The following MARVELD2 variants were observed in gnomAD, a reference collection of about 807,000 sequenced individuals.
The protein encoded by MARVELD2 is MARVEL domain-containing protein 2.
A neutral mutation model predicts 57.6 loss-of-function variants in MARVELD2; 49 were observed. That is an observed-to-expected ratio of 0.85 (90% CI 0.68 to 1.08). MARVELD2 has a LOEUF of 1.08. Among genes scored for constraint, MARVELD2 ranks in the 50% least tolerant of loss-of-function variants. The pLI is 0.00. For missense variants in MARVELD2, 606 were observed against 701.1 expected (o/e 0.86, Z 1.53); for synonymous variants, 238 against 258.8 (o/e 0.92, Z 0.77).
chr5:69,427,473 C>T (rs935098107), intron 3 of MARVELD2, among the ~76,000 whole-genome samples: 2 of 151,546 alleles, frequency 1.3e-5, no homozygotes, highest in Non-Finnish European at 2.9e-5. Context: ...TGCTGTGGCA[C>T]GATCTCGGCT....
chr5:69,434,134 C>T (rs1468462922), intron 5 of MARVELD2, among the ~76,000 whole-genome samples: 1 of 151,980 alleles, frequency 6.6e-6, no homozygotes, highest in Non-Finnish European at 1.5e-5. Flanking sequence ...GTTAGCACCC[C>T]AGGCCCAAAG....
At chr5:69,416,064 T>C (rs1766403022) in intron 1 of MARVELD2, among the ~76,000 whole-genome samples, 1 of 152,246 alleles carries the variant, frequency 6.6e-6, no homozygotes, top group Non-Finnish European at 1.5e-5. Flanking sequence ...TAGGGTGGTT[T>C]GATTCAAATA....
intron 3 of MARVELD2, among the ~76,000 whole-genome samples, chr5:69,427,579 A>G (rs772926429): frequency 6.6e-6 from 1 of 152,102 alleles, no homozygotes; most frequent in Non-Finnish European, 1.5e-5. Context: ...CATTCAGCCC[A>G]TTTTTAAGTT....
At chr5:69,426,241 CAT>C (rs1766788188) in intron 3 of MARVELD2, among the ~76,000 whole-genome samples, 1 of 150,922 alleles carries the variant, frequency 6.6e-6, no homozygotes, top group South Asian at 2.1e-4. Flanking sequence ...TCATTATTTA[CAT>C]ATATGTAATA....
At chr5:69,432,242 C>A (rs1446684720) in intron 3 of MARVELD2, among the ~76,000 whole-genome samples, 1 of 152,156 alleles carries the variant, frequency 6.6e-6, no homozygotes, top group African/African-American at 2.4e-5. Flanking sequence ...AACTCCTGAT[C>A]TCAAGTGGTC....
At chr5:69,422,554 T>C (rs938980260) in intron 2 of MARVELD2, among the ~76,000 whole-genome samples, 3 of 152,214 alleles carry the variant, frequency 2.0e-5, no homozygotes, top group African/African-American at 7.2e-5. Flanking sequence ...AAACCCTGTC[T>C]CCTGATAAGA....
intron 2 of MARVELD2, among the ~76,000 whole-genome samples, 180 bp from the exon 3 acceptor site, chr5:69,424,421 C>G (rs537463617): frequency 6.6e-6 from 1 of 152,222 alleles, no homozygotes; most frequent in African/African-American, 2.4e-5. Context: ...TACAGTTATC[C>G]CTCTTCTCAG....
Position 69,440,454 on chromosome 5 carries a change from A to T in MARVELD2, c.1508A>T (p.His503Leu). The T allele has an allele frequency of 7.1e-7, 1 of 1,403,636 alleles. No homozygotes were observed. The highest frequency in any genetic ancestry group is 2.3e-5 in the East Asian group (1 of 43,456). 86.9% of individuals were successfully genotyped at this position (1,403,636 alleles called of 1,614,324 possible). A position where few individuals can be genotyped will look rare whatever the true frequency, so the allele number is the denominator to read the frequency against. ...TATACAATGTATTATTTTTAGGAAC[A>T]TGAGAGAATTTCAAGAATCCATGAA... Reference protein sequence around the residue: ...LPHHSESRQEHERISRIHEEF... With the variant: ...LPHHSESRQELERISRIHEEF... Residue 503 changes from histidine (H) to leucine (L), a missense_variant, in exon 6 of 7, where the codon CAT (histidine) becomes CTT (leucine). By Grantham distance (99) the His-to-Leu change is moderately conservative. Transcript: ENST00000325631.
chr5:69,426,923 A>T (rs1766810791), intron 3 of MARVELD2, among the ~76,000 whole-genome samples: 1 of 151,016 alleles, frequency 6.6e-6, no homozygotes, highest in Non-Finnish European at 1.5e-5. Context: ...CTCCCAAAGC[A>T]CTGGGATTAC....
intron 2 of MARVELD2, among the ~76,000 whole-genome samples, chr5:69,423,389 C>T (rs967345423): frequency 2.0e-5 from 3 of 152,020 alleles, no homozygotes; most frequent in Non-Finnish European, 4.4e-5. Context: ...TCCCAGGTAG[C>T]TGGGACTGCA....
In MARVELD2 at chr5:69,419,899, T is replaced by C. The variant is rs146516550; in HGVS notation, c.514T>C (p.Tyr172His). The change falls in exon 2 of 7, where the codon TAC becomes CAC. Residue 172 changes from tyrosine to histidine, a missense_variant. By Grantham distance (83) the Tyr-to-His change is moderately conservative. Coordinates refer to ENST00000325631, the MANE Select transcript of MARVELD2 (RefSeq NM_001038603.3). ...CCGACACACACAAACAGTTCGAACA[T>C]ACAGTGAGAAGGTGGAGGAGTATAA... The part of the protein sequence containing the change: ...LDRHTQTVRT[Y>H]SEKVEEYNLR... 1.9e-6 allele frequency: 3 copies of C among 1,613,646 alleles called. No homozygotes were observed. In the South Asian group the frequency reaches 3.3e-5, roughly 18 times the overall value.
intron 5 of MARVELD2, among the ~76,000 whole-genome samples, chr5:69,438,305 A>C (rs897666924): frequency 3.3e-5 from 5 of 152,222 alleles, no homozygotes; most frequent in African/African-American, 1.2e-4. Flanking sequence ...CTGCATCTCC[A>C]GCACAGCAGT....
rs78411790 is a variant in MARVELD2, at chr5:69,434,459, C to CAA, written c.1503+1381_1503+1382dup. Among the ~76,000 whole-genome samples the CAA allele has an allele frequency of 7.0e-3, 505 of 72,034 alleles. 5 individuals carry two copies. Among genetic ancestry groups the CAA allele is most frequent in the African/African-American group, 0.025 (494 of 19,442 alleles). The allele number at this position is 72,034 out of a possible 152,430, so 47.3% of individuals were successfully genotyped here. A position where few individuals can be genotyped will look rare whatever the true frequency, so the allele number is the denominator to read the frequency against. On this transcript the variant is annotated intron_variant, in intron 5 of 6. Coordinates refer to ENST00000325631, the MANE Select transcript of MARVELD2 (RefSeq NM_001038603.3). Reference sequence around the variant, plus strand: ...GAAGGACAGAGTGAGACCATGTCTCCAAAAAAAAAAAAAAAAGCAAGCAGA... The same window carrying CAA: ...GAAGGACAGAGTGAGACCATGTCTCCAAAAAAAAAAAAAAAAAAGCAAGCAGA...
In MARVELD2 at chr5:69,439,440, T is replaced by C. The variant is rs577135144; in HGVS notation, c.1504-1010T>C. ...CCTCCCAAAATGCTGGGATTACAGGTGTAGGGCAAGCTTTTAGAACTATAA... is the reference window on the plus strand; with the variant it reads ...CCTCCCAAAATGCTGGGATTACAGGCGTAGGGCAAGCTTTTAGAACTATAA... On this transcript the variant is annotated intron_variant, in intron 5 of 6. Transcript: ENST00000325631. Among the ~76,000 whole-genome samples, 11 of 151,486 alleles carry C rather than the reference T, an allele frequency of 7.3e-5. No homozygotes were observed. In the East Asian group the frequency reaches 2.2e-3, roughly 30 times the overall value.
chr5:69,435,258 C>T (rs1580494927), intron 5 of MARVELD2, among the ~76,000 whole-genome samples: 1 of 151,778 alleles, frequency 6.6e-6, no homozygotes, highest in East Asian at 2.0e-4. Context: ...AGGTGATCCA[C>T]CTACCTCAGC....
chr5:69,415,629 G>A (rs1466898934), intron 1 of MARVELD2: 1 of 152,244 alleles, frequency 6.6e-6, no homozygotes, highest in Non-Finnish European at 1.5e-5. Flanking sequence ...GCAGTCGTGG[G>A]TTAGTTAGAA....
chr5:69,420,572 G>T, intron 2 of MARVELD2, 41 bp downstream of exon 2: 1 of 1,574,202 alleles, frequency 6.4e-7, no homozygotes. Flanking sequence ...GTGTATGTTT[G>T]TTTTTTCTGT....
intron 3 of MARVELD2, among the ~76,000 whole-genome samples, chr5:69,428,156 T>C (rs543324913): frequency 6.6e-6 from 1 of 151,272 alleles, no homozygotes; most frequent in South Asian, 2.1e-4. Context: ...AAACTGATGA[T>C]CGGGAAGGTT....
chr5:69,416,360 A>G (rs151125277), intron 1 of MARVELD2, among the ~76,000 whole-genome samples: 5 of 152,370 alleles, frequency 3.3e-5, no homozygotes, highest in East Asian at 1.9e-4. Flanking sequence ...GGGCCATCAC[A>G]GTTAATCCTC....
Sources: gnomAD v4.1 joint callset for allele counts (sites outside exome capture counted in the v4.1 genomes callset) on GRCh38, gnomAD v4.1.1 for gene constraint, MANE v1.5 for transcripts, NCBI Gene and HGNC (gene_info 2026-07-23, HGNC 2026-07-21) for gene names.